Variants in NKAIN2 observed in about 807,000 individuals in gnomAD.
NKAIN2 encodes sodium/potassium transporting ATPase interacting 2.
In NKAIN2, 14 loss-of-function variants were observed where a neutral mutation model predicts 32.6. The observed-to-expected ratio is 0.43, with a 90% CI of 0.28 to 0.67. The LOEUF is 0.67. Ranked by LOEUF, NKAIN2 falls within the 30% of genes least tolerant of loss-of-function variation. The pLI, the probability that NKAIN2 is intolerant of heterozygous loss-of-function variation, is 0.17. For missense variants in NKAIN2, 198 were observed against 258.3 expected, an observed-to-expected ratio of 0.77 and a Z score of 1.60; for synonymous variants, 80 against 87.2, an observed-to-expected ratio of 0.92 and a Z score of 0.46.
intron 1 of NKAIN2, among the ~76,000 whole-genome samples, chr6:123,838,960 A>C (rs1774747079): frequency 6.6e-6 from 1 of 152,182 alleles, no homozygotes. Context: ...TCTCTCTCAC[A>C]ATTTAACCTG....
chr6:124,192,936 A>G (rs1342743610), intron 1 of NKAIN2, among the ~76,000 whole-genome samples: 1 of 151,780 alleles, frequency 6.6e-6, no homozygotes, highest in Admixed American at 6.6e-5. Flanking sequence ...TTTTTAGTAG[A>G]GACGGGGTTT....
intron 1 of NKAIN2, among the ~76,000 whole-genome samples, chr6:124,105,936 T>C (rs186285677): frequency 1.6e-4 from 24 of 152,308 alleles, no homozygotes; most frequent in Admixed American, 7.8e-4. Flanking sequence ...GGAAGGTGCT[T>C]TTTTAAATCA....
At chr6:123,863,695 C>A (rs1479342016) in intron 1 of NKAIN2, among the ~76,000 whole-genome samples, 4 of 152,180 alleles carry the variant, frequency 2.6e-5, no homozygotes, top group Non-Finnish European at 2.9e-5. Context: ...TCCTCCTGGA[C>A]TTACAACACC....
intron 3 of NKAIN2, among the ~76,000 whole-genome samples, chr6:124,612,408 A>G (rs996927977): frequency 3.3e-5 from 5 of 152,170 alleles, no homozygotes; most frequent in Admixed American, 6.5e-5. Flanking sequence ...AGCTTGCATT[A>G]ATTTTTTATA....
At chr6:124,213,363 C>T (rs960166831) in intron 1 of NKAIN2, among the ~76,000 whole-genome samples, 9 of 151,900 alleles carry the variant, frequency 5.9e-5, no homozygotes, top group African/African-American at 1.9e-4. Flanking sequence ...AATTGGTTCC[C>T]GGAGTCTTAG....
intron 2 of NKAIN2, among the ~76,000 whole-genome samples, chr6:124,285,114 A>G (rs185044637): frequency 6.6e-6 from 1 of 152,296 alleles, no homozygotes; most frequent in East Asian, 1.9e-4. Flanking sequence ...GGTCTTAACA[A>G]TGAATTTCAG....
intron 1 of NKAIN2, among the ~76,000 whole-genome samples, chr6:123,836,016 AATACAAAAATAAAAATACTATG>A: frequency 1.3e-5 from 2 of 152,320 alleles, no homozygotes; most frequent in Middle Eastern, 3.4e-3. Flanking sequence ...AAATTGAAAT[AATACAAAAATAAAAATACTATG>A]ATACAAAAAT....
At chr6:124,565,491 A>G (rs532701551) in intron 3 of NKAIN2, among the ~76,000 whole-genome samples, 2 of 152,266 alleles carry the variant, frequency 1.3e-5, no homozygotes, top group East Asian at 3.9e-4. Context: ...CTAAATAGCT[A>G]TTTTATCTCA....
At chr6:123,853,450 C>A (rs1347118301) in intron 1 of NKAIN2, among the ~76,000 whole-genome samples, 2 of 152,120 alleles carry the variant, frequency 1.3e-5, no homozygotes, top group African/African-American at 2.4e-5. Flanking sequence ...CCTGACATTT[C>A]GGTCATTCAT....
chr6:124,716,049 AC>A (rs1775736067), intron 4 of NKAIN2, among the ~76,000 whole-genome samples: 1 of 152,186 alleles, frequency 6.6e-6, no homozygotes. Context: ...TAGGCTCTGA[AC>A]CCAGAGATTT....
At chr6:124,454,872 TTA>T (rs1776258571) in intron 3 of NKAIN2, among the ~76,000 whole-genome samples, 1 of 152,004 alleles carries the variant, frequency 6.6e-6, no homozygotes, top group Non-Finnish European at 1.5e-5. Context: ...GGTGTTCTCT[TTA>T]GTTATTGGAT....
chr6:124,792,361 G>T (rs1392369311), intron 5 of NKAIN2, among the ~76,000 whole-genome samples: 1 of 152,084 alleles, frequency 6.6e-6, no homozygotes, highest in African/African-American at 2.4e-5. Flanking sequence ...GATTAATGTA[G>T]AAGAGGCACT....
At chr6:124,131,604 T>C (rs1176402478) in intron 1 of NKAIN2, among the ~76,000 whole-genome samples, 2 of 152,136 alleles carry the variant, frequency 1.3e-5, no homozygotes, top group Admixed American at 6.5e-5. Context: ...ACATCTCCAC[T>C]GGGGAATCTG....
chr6:124,157,863 G>A (rs1398850287), intron 1 of NKAIN2, among the ~76,000 whole-genome samples: 1 of 152,006 alleles, frequency 6.6e-6, no homozygotes, highest in African/African-American at 2.4e-5. Flanking sequence ...GTATGTTAAT[G>A]CATACACCTG....
intron 1 of NKAIN2, among the ~76,000 whole-genome samples, chr6:124,127,546 C>G (rs80089071): frequency 0.024 from 3,724 of 152,208 alleles, 163 homozygotes; most frequent in African/African-American, 0.081. Flanking sequence ...TTAGAATCTT[C>G]CAAACTGAGT....
At chr6:124,375,781 A>C (rs1799965832) in intron 3 of NKAIN2, among the ~76,000 whole-genome samples, 1 of 152,080 alleles carries the variant, frequency 6.6e-6, no homozygotes, top group Admixed American at 6.6e-5. Flanking sequence ...AAGGGGGAGG[A>C]AGACATTTTT....
At chr6:124,678,633 T>A (rs913220574) in intron 4 of NKAIN2, among the ~76,000 whole-genome samples, 1 of 152,226 alleles carries the variant, frequency 6.6e-6, no homozygotes, top group African/African-American at 2.4e-5. Context: ...CCTGAAATAC[T>A]GAGCATCTTT....
intron 1 of NKAIN2, among the ~76,000 whole-genome samples, chr6:124,055,155 TTAGA>T (rs1251767091): frequency 1.3e-5 from 2 of 152,038 alleles, no homozygotes; most frequent in African/African-American, 4.8e-5. Flanking sequence ...CATAGGGAAG[TTAGA>T]TAAACAACTT....
intron 4 of NKAIN2, among the ~76,000 whole-genome samples, chr6:124,708,020 A>G (rs1485810000): frequency 1.4e-3 from 207 of 148,036 alleles, no homozygotes; most frequent in African/African-American, 4.9e-3. Context: ...ATTTTTGTAT[A>G]AGGTGTAAGG....
Sources: allele counts gnomAD v4.1 joint callset (sites outside exome capture counted in the v4.1 genomes callset), GRCh38; gene constraint gnomAD v4.1.1; transcripts MANE v1.5; gene names NCBI Gene and HGNC (gene_info 2026-07-23, HGNC 2026-07-21).